The following LRRC4C variants were observed in gnomAD, a reference collection of about 807,000 sequenced individuals.
The protein encoded by LRRC4C is leucine rich repeat containing 4C.
LRRC4C carries 5 observed loss-of-function variants against 33.6 expected under a neutral mutation model. That is an observed-to-expected ratio of 0.15 (90% CI 0.08 to 0.31). The LOEUF is 0.31. Among genes scored for constraint, LRRC4C ranks in the 10% least tolerant of loss-of-function variants. The probability of loss-of-function intolerance (pLI) is 1.00; values close to 1 mark genes in which losing one functional copy is unlikely to be tolerated. For missense variants in LRRC4C, 560 were observed against 796.7 expected (o/e 0.70, Z 3.58); for synonymous variants, 329 against 302.0 (o/e 1.09, Z -0.93).
intron 5 of LRRC4C, among the ~76,000 whole-genome samples, chr11:40,228,120 T>C (rs1345527834): frequency 1.3e-5 from 2 of 152,192 alleles, no homozygotes; most frequent in African/African-American, 2.4e-5. Context: ...CTCCTATCTA[T>C]CTCATAGCTC....
intron 1 of LRRC4C, among the ~76,000 whole-genome samples, chr11:41,385,161 A>T (rs537092258): frequency 2.0e-5 from 3 of 151,226 alleles, no homozygotes; most frequent in African/African-American, 7.3e-5. Flanking sequence ...ATTAGTGTCA[A>T]TTGGGAGATT....
At chr11:41,312,331 T>C (rs1446761110) in intron 1 of LRRC4C, among the ~76,000 whole-genome samples, 3 of 152,206 alleles carry the variant, frequency 2.0e-5, no homozygotes, top group Non-Finnish European at 4.4e-5. Context: ...TTCAAAAATA[T>C]ATTCTCATGA....
At chr11:40,624,021 C>T (rs1004360353) in intron 3 of LRRC4C, among the ~76,000 whole-genome samples, 8 of 152,038 alleles carry the variant, frequency 5.3e-5, no homozygotes, top group South Asian at 4.1e-4. Flanking sequence ...TTCTGGTAGA[C>T]GAGACATTTT....
chr11:40,354,340 C>T (rs1179074304), intron 3 of LRRC4C, among the ~76,000 whole-genome samples: 1 of 107,938 alleles, frequency 9.3e-6, no homozygotes, highest in Non-Finnish European at 2.2e-5. Flanking sequence ...CTGCCAGGCT[C>T]CTGCCAGTGT....
At chr11:40,359,322 A>G (rs1316539869) in intron 3 of LRRC4C, among the ~76,000 whole-genome samples, 1 of 152,190 alleles carries the variant, frequency 6.6e-6, no homozygotes, top group African/African-American at 2.4e-5. Context: ...CAGGTGGTAG[A>G]AGTGCATGTC....
Position 41,445,866 on chromosome 11 carries a change from A to ATG in LRRC4C, c.-496+13563_-496+13564dup, listed in dbSNP as rs35999139. On this transcript the variant is annotated intron_variant, in intron 1 of 6. Transcript: ENST00000528697. ...ACAGTGTGTATGAATGAGTGACTGC[A>ATG]TGTGTGTGTGTGTGTGTGTGTGTGT... Among the ~76,000 whole-genome samples, 194 of 149,840 alleles carry ATG rather than the reference A, an allele frequency of 1.3e-3. 1 individual carries two copies. The highest frequency in any genetic ancestry group is 7.2e-3 in the East Asian group (36 of 5,022).
intron 1 of LRRC4C, among the ~76,000 whole-genome samples, chr11:41,158,656 T>A (rs1454527491): frequency 1.3e-5 from 2 of 152,036 alleles, no homozygotes; most frequent in Non-Finnish European, 2.9e-5. Context: ...AAACTATCAC[T>A]CATGCCTTTC....
intron 3 of LRRC4C, among the ~76,000 whole-genome samples, chr11:40,455,450 C>T (rs1444479253): frequency 1.3e-5 from 2 of 152,188 alleles, no homozygotes; most frequent in Non-Finnish European, 1.5e-5. Context: ...CCAAAGTGTA[C>T]TTCTACTCTG....
intron 1 of LRRC4C, among the ~76,000 whole-genome samples, chr11:40,993,999 G>A (rs1248771181): frequency 6.6e-6 from 1 of 151,516 alleles, no homozygotes; most frequent in Non-Finnish European, 1.5e-5. Context: ...GGAACTGGAT[G>A]GGGCATACTA....
intron 1 of LRRC4C, among the ~76,000 whole-genome samples, chr11:41,246,209 C>T (rs1948446351): frequency 1.3e-5 from 2 of 152,146 alleles, no homozygotes; most frequent in African/African-American, 4.8e-5. Flanking sequence ...CCGCCCTTAT[C>T]CCCTCTCCAG....
At chr11:41,342,953 C>T (rs1452913716) in intron 1 of LRRC4C, among the ~76,000 whole-genome samples, 1 of 152,178 alleles carries the variant, frequency 6.6e-6, no homozygotes, top group East Asian at 1.9e-4. Context: ...TTCCTTGCCT[C>T]TGCAAATTTC....
At chr11:41,350,304 A>G (rs900304149) in intron 1 of LRRC4C, among the ~76,000 whole-genome samples, 1 of 152,020 alleles carries the variant, frequency 6.6e-6, no homozygotes, top group African/African-American at 2.4e-5. Flanking sequence ...AGGTCAGGAG[A>G]TCGAGACCAT....
intron 1 of LRRC4C, among the ~76,000 whole-genome samples, chr11:40,954,645 C>CCCAAAT (rs1309996564): frequency 2.0e-5 from 3 of 151,798 alleles, no homozygotes; most frequent in Admixed American, 1.3e-4. Flanking sequence ...CATAAAATAG[C>CCCAAAT]CCAAATTATT....
chr11:41,026,446 C>T (rs76349288), intron 1 of LRRC4C, among the ~76,000 whole-genome samples: 6,425 of 151,602 alleles, frequency 0.042, 179 homozygotes, highest in South Asian at 0.1. Context: ...TTGCTTCTTA[C>T]GTATGAGCAA....
intron 5 of LRRC4C, among the ~76,000 whole-genome samples, chr11:40,152,184 G>A (rs572727008): frequency 2.0e-5 from 3 of 152,294 alleles, no homozygotes; most frequent in Non-Finnish European, 2.9e-5. Context: ...GCACACCCCC[G>A]CTGGAGAAGC....
At chr11:40,841,353 T>C (rs1254945493) in intron 2 of LRRC4C, among the ~76,000 whole-genome samples, 1 of 152,190 alleles carries the variant, frequency 6.6e-6, no homozygotes, top group African/African-American at 2.4e-5. Flanking sequence ...TGAATACGCA[T>C]ACCCCTTCTC....
chr11:40,791,457 T>C (rs1412199435), intron 2 of LRRC4C, among the ~76,000 whole-genome samples: 1 of 152,126 alleles, frequency 6.6e-6, no homozygotes, highest in East Asian at 1.9e-4. Context: ...GATAATCTTC[T>C]ACATACAGGC....
intron 2 of LRRC4C, among the ~76,000 whole-genome samples, chr11:40,713,604 C>T (rs527874335): frequency 6.6e-5 from 10 of 152,228 alleles, no homozygotes; most frequent in African/African-American, 9.6e-5. Flanking sequence ...TTGAAATATA[C>T]GTGTAAATAA....
chr11:40,116,982 T>C (rs148000784), intron 6 of LRRC4C, among the ~76,000 whole-genome samples: 1 of 152,348 alleles, frequency 6.6e-6, no homozygotes, highest in East Asian at 1.9e-4. Context: ...TGTAGGCCTA[T>C]GAAGCTGGTT....
Sources: gnomAD v4.1 joint callset for allele counts (sites outside exome capture counted in the v4.1 genomes callset) on GRCh38, gnomAD v4.1.1 for gene constraint, MANE v1.5 for transcripts, NCBI Gene and HGNC (gene_info 2026-07-23, HGNC 2026-07-21) for gene names.